NBAS: variants seen among roughly 807,000 people sequenced by gnomAD.
NBAS encodes NAG/BC035112 fusion.
NBAS carries 219 observed loss-of-function variants against 302.5 expected under a neutral mutation model. That is an observed-to-expected ratio of 0.72 (90% confidence interval 0.65 to 0.81). The LOEUF is 0.81. NBAS is among the 30% of genes least tolerant of loss of function. The pLI is 0.00. For synonymous variants in NBAS, 1,118 were observed against 1,021.6 expected (o/e 1.09, Z -1.80); for missense variants, 2,932 against 2,841.6 (o/e 1.03, Z -0.72).
rs1182884383 is a variant in NBAS, at chr2:15,467,647, A to G, written c.2018+17T>C. 6.2e-7 allele frequency: 1 copy of G among 1,605,066 alleles called. No individual in the cohort carries two copies. The highest frequency in any genetic ancestry group is 1.1e-5 in the South Asian group (1 of 90,682). ...ATTTTAAAGAAACTATCAAATGAAC[A>G]GTAACAACTCATTTACTTGGAAAAG... On this transcript the variant is annotated intron_variant, in intron 18 of 51. Coordinates refer to ENST00000281513, the MANE Select transcript of NBAS (RefSeq NM_015909.4).
chr2:15,175,453 C>T (rs1017190070), intron 51 of NBAS, among the ~76,000 whole-genome samples: 1 of 152,196 alleles, frequency 6.6e-6, no homozygotes, highest in Non-Finnish European at 1.5e-5. Flanking sequence ...GTTATAAATA[C>T]GTATCTGCTT....
intron 16 of NBAS, among the ~76,000 whole-genome samples, chr2:15,469,346 T>C (rs1181183654): frequency 2.6e-5 from 4 of 152,228 alleles, no homozygotes; most frequent in Non-Finnish European, 5.9e-5. Context: ...CTTAGTGCTA[T>C]AAATTTCCCT....
rs771925902 is a variant in NBAS, at chr2:15,218,881, G to A, written c.6324C>T (p.His2108=). The A allele has an allele frequency of 2.5e-6, 4 of 1,614,116 alleles. No individual in the cohort carries two copies. The highest frequency in any genetic ancestry group is 2.2e-5 in the East Asian group (1 of 44,900). ...DDAWPVRPRI[H]VLQILGQSFH... is the part of the protein sequence containing the mutation. ...ATGATTGCCCCAAAATCTGCAGCAC[G>A]TGAATGCGGGGCCGCACCGGCCAGG... Residue 2108 remains histidine, a synonymous_variant, in exon 48 of 52, where the codon CAC becomes CAT. Coordinates refer to ENST00000281513, the MANE Select transcript of NBAS (RefSeq NM_015909.4).
the NBAS span, among the ~76,000 whole-genome samples, chr2:15,033,580 C>G: frequency 6.6e-6 from 1 of 152,114 alleles, no homozygotes; most frequent in African/African-American, 2.4e-5. Context: ...AACTCTAATT[C>G]ACAATGTGAT....
At chr2:15,353,305 C>A (rs1366164432) in intron 34 of NBAS, among the ~76,000 whole-genome samples, 2 of 152,144 alleles carry the variant, frequency 1.3e-5, no homozygotes, top group Non-Finnish European at 2.9e-5. Flanking sequence ...TCAATAATTT[C>A]TTTCCAAATA....
the NBAS span, among the ~76,000 whole-genome samples, chr2:14,789,111 T>C: frequency 6.6e-6 from 1 of 152,186 alleles, no homozygotes; most frequent in Non-Finnish European, 1.5e-5. Flanking sequence ...TGAATGAGGC[T>C]CCGTGGGCAT....
At chr2:14,820,955 A>T in the NBAS span, among the ~76,000 whole-genome samples, 1 of 147,356 alleles carries the variant, frequency 6.8e-6, no homozygotes, top group Non-Finnish European at 1.5e-5. Flanking sequence ...TCCGAGACGG[A>T]GTCTTGCTCT....
At chr2:15,352,543 G>C (rs1262210436) in intron 34 of NBAS, among the ~76,000 whole-genome samples, 2 of 152,178 alleles carry the variant, frequency 1.3e-5, no homozygotes, top group Non-Finnish European at 2.9e-5. Flanking sequence ...CTTTGGCTTA[G>C]AGCTTTACAT....
chr2:15,328,804 C>A (rs1328056728), intron 36 of NBAS, among the ~76,000 whole-genome samples: 2 of 152,150 alleles, frequency 1.3e-5, no homozygotes, highest in Non-Finnish European at 1.5e-5. Context: ...TAAAGGCTAA[C>A]TTTCCACCTC....
chr2:14,931,267 T>G, the NBAS span, among the ~76,000 whole-genome samples: 1 of 152,156 alleles, frequency 6.6e-6, no homozygotes, highest in Non-Finnish European at 1.5e-5. Context: ...CTTGAATAAT[T>G]TATTGTCCAA....
chr2:15,090,684 C>A, the NBAS span, among the ~76,000 whole-genome samples: 469 of 152,292 alleles, frequency 3.1e-3, 7 homozygotes, highest in African/African-American at 0.011. Context: ...AGGTAGCTAA[C>A]GTGGCCAACA....
chr2:15,549,121 A>G (rs960294183), intron 6 of NBAS, among the ~76,000 whole-genome samples: 2 of 152,220 alleles, frequency 1.3e-5, no homozygotes, highest in Admixed American at 1.3e-4. Flanking sequence ...TTTTACATAC[A>G]TTAATTCATA....
At chr2:14,843,262 C>A in the NBAS span, among the ~76,000 whole-genome samples, 1 of 152,174 alleles carries the variant, frequency 6.6e-6, no homozygotes, top group Non-Finnish European at 1.5e-5. Flanking sequence ...CGGACCAAGA[C>A]AAGGATGCCC....
At chr2:15,178,946 T>TA (rs5829492) in intron 51 of NBAS, 42 bp downstream of exon 51, 19,363 of 1,432,558 alleles carry the variant, frequency 0.014, no homozygotes, top group Non-Finnish European at 0.016. Context: ...TTTGAAACAT[T>TA]AAAAAAAAAA....
intron 44 of NBAS, among the ~76,000 whole-genome samples, chr2:15,274,467 A>G (rs945114063): frequency 1.3e-5 from 2 of 152,220 alleles, no homozygotes; most frequent in African/African-American, 4.8e-5. Flanking sequence ...TCCAAAGGCA[A>G]CAGAGTTCAG....
the NBAS span, among the ~76,000 whole-genome samples, chr2:14,976,328 A>G: frequency 6.6e-6 from 1 of 152,166 alleles, no homozygotes; most frequent in African/African-American, 2.4e-5. Context: ...TAGTGGAGGG[A>G]GCAGCACAGG....
At chr2:15,151,799 C>T in the NBAS span, among the ~76,000 whole-genome samples, 1 of 152,172 alleles carries the variant, frequency 6.6e-6, no homozygotes, top group African/African-American at 2.4e-5. Context: ...ATCCTCCTGA[C>T]AGCCATCACA....
chr2:15,096,435 C>A, the NBAS span, among the ~76,000 whole-genome samples: 2 of 152,186 alleles, frequency 1.3e-5, no homozygotes, highest in Admixed American at 1.3e-4. Flanking sequence ...CTGTGAGGTG[C>A]AGAAAAGCTT....
chr2:15,375,219 C>T, intron 30 of NBAS, among the ~76,000 whole-genome samples: 1 of 152,114 alleles, frequency 6.6e-6, no homozygotes, highest in Admixed American at 6.6e-5. Flanking sequence ...AAAGAGAAAT[C>T]TGTTGGTAAT....
Sources: gnomAD v4.1 joint callset for allele counts (sites outside exome capture counted in the v4.1 genomes callset) on GRCh38, gnomAD v4.1.1 for gene constraint, MANE v1.5 for transcripts, NCBI Gene and HGNC (gene_info 2026-07-23, HGNC 2026-07-21) for gene names.